Variants in LUM observed in about 807,000 individuals in gnomAD.
LUM encodes the protein KSPG lumican.
LUM carries 13 observed loss-of-function variants against 20.5 expected under a neutral mutation model. The ratio of observed to expected loss-of-function variants is 0.63; its 90% confidence interval spans 0.41 to 1.01. The LOEUF (loss-of-function observed/expected upper bound fraction) is 1.01. Ranked by LOEUF, LUM falls within the 50% of genes least tolerant of loss-of-function variation. The probability of loss-of-function intolerance (pLI) is 0.00; values close to 1 mark genes in which losing one functional copy is unlikely to be tolerated. For synonymous variants in LUM, 173 were observed against 151.5 expected, an observed-to-expected ratio of 1.14 and a Z score of -1.04; for missense variants, 321 against 391.1, an observed-to-expected ratio of 0.82 and a Z score of 1.51.
chr12:91,109,468 T>C (rs1465647309), intron 1 of LUM, among the ~76,000 whole-genome samples: 1 of 152,148 alleles, frequency 6.6e-6, no homozygotes, highest in Non-Finnish European at 1.5e-5. Flanking sequence ...ATGGGCAACC[T>C]GAGGTTTTGC....
Position 91,108,628 on chromosome 12 carries a change from G to C in LUM, c.352C>G (p.Leu118Val). The C allele has an allele frequency of 6.2e-7, 1 of 1,613,802 alleles. No individual in the cohort carries two copies. The highest frequency in any genetic ancestry group is 8.5e-7 in the Non-Finnish European group (1 of 1,179,926). ...TTGTGGTTTATATGCAGCTTCTTCA[G>C]TTGTTTCAATTTAGAGAAAACTCTC... ...KGRVFSKLKQLKKLHINHNNL... is the reference protein window; with the variant it reads ...KGRVFSKLKQVKKLHINHNNL... Residue 118 changes from leucine to valine, a missense_variant, in exon 2 of 3, where the codon CTG (leucine) becomes GTG (valine). Physicochemically the swap from Leu to Val is conservative, Grantham distance 32 (BLOSUM62 1). Coordinates refer to ENST00000266718, the MANE Select transcript of LUM (RefSeq NM_002345.4). The surrounding 1 kb of genome is among the most constrained non-coding windows in gnomAD (Gnocchi z 4.2).
At chr12:91,110,199 A>T (rs1226737765) in intron 1 of LUM, among the ~76,000 whole-genome samples, 1 of 152,280 alleles carries the variant, frequency 6.6e-6, no homozygotes, top group African/African-American at 2.4e-5. Flanking sequence ...GTGACGAAAG[A>T]TCTACATTCT....
In LUM at chr12:91,108,710, A is replaced by G. The variant is rs776086544; in HGVS notation, c.270T>C (p.Thr90=). The change falls in exon 2 of 3, where the codon ACT becomes ACC. Residue 90 remains threonine, a synonymous_variant. Coordinates refer to ENST00000266718, the MANE Select transcript of LUM (RefSeq NM_002345.4). This position sits in a 1 kb window ranked among gnomAD's most constrained non-coding sequence, Gnocchi z 4.2. ...HIDEKAFENV[T]DLQWLILDHN... is the part of the protein sequence containing the mutation. ...GATCTAGAATGAGCCACTGCAGATC[A>G]GTTACATTCTCAAAGGCCTTTTCAT... 1 of 1,614,086 alleles carries G rather than the reference A, an allele frequency of 6.2e-7. No individual in the cohort carries two copies.
Position 91,104,097 on chromosome 12 carries a change from A to G in LUM, c.*68T>C, listed in dbSNP as rs1879974129. 3.1e-6 allele frequency: 4 copies of G among 1,272,302 alleles called. No individual in the cohort carries two copies. Among genetic ancestry groups the G allele is most frequent in the Admixed American group, 1.8e-5 (1 of 56,728 alleles). 78.8% of individuals were successfully genotyped at this position (1,272,302 alleles called of 1,614,324 possible). ...CATGGAAGTAATAAACAGTAATAAA[A>G]TATGGATACTATGAAAACTGACACA... On this transcript the variant is annotated 3_prime_UTR_variant, in exon 3 of 3. Coordinates refer to ENST00000266718, the MANE Select transcript of LUM (RefSeq NM_002345.4).
chr12:91,104,681 G>T (rs1592661491), intron 2 of LUM, among the ~76,000 whole-genome samples: 1 of 152,074 alleles, frequency 6.6e-6, no homozygotes, highest in Admixed American at 6.6e-5. Flanking sequence ...TCCCATTGTT[G>T]TATGAACAAT....
chr12:91,111,347 G>C (rs963188964), intron 1 of LUM, 51 bp downstream of exon 1: 1 of 152,140 alleles, frequency 6.6e-6, no homozygotes, highest in African/African-American at 2.4e-5. Flanking sequence ...TACAAAAAAC[G>C]CTGTCCCAAA....
At chr12:91,105,834 C>A (rs927677935) in intron 2 of LUM, among the ~76,000 whole-genome samples, 1 of 152,172 alleles carries the variant, frequency 6.6e-6, no homozygotes, top group African/African-American at 2.4e-5. Context: ...CTTCTGTATC[C>A]TTCTTTGTTT....
Position 91,104,889 on chromosome 12 carries a change from C to T in LUM, c.863-570G>A, listed in dbSNP as rs150704567. 7.9e-5 allele frequency among the ~76,000 whole-genome samples: 12 copies of T among 152,290 alleles called. No homozygotes were observed. In the East Asian group the frequency reaches 2.3e-3, roughly 29 times the overall value. ...AACCTAATCATGGCATGTCCACCAT[C>T]TGAACTCATGTTTTTGTTTATTTGT... On this transcript the variant is annotated intron_variant, in intron 2 of 2. Coordinates refer to ENST00000266718, the MANE Select transcript of LUM (RefSeq NM_002345.4).
Position 91,104,283 on chromosome 12 carries a change from G to A in LUM, c.899C>T (p.Pro300Leu). 1.2e-6 allele frequency: 2 copies of A among 1,612,358 alleles called. No homozygotes were observed. The highest frequency in any genetic ancestry group is 2.2e-5 in the East Asian group (1 of 44,788). ...ATGCTTGATCTTGGAGTAGGATAAT[G>A]GCCCCAGGATCTTGCAGAAGCTCTT... is the stretch of plus-strand genomic sequence containing the variant. Reference protein sequence around the residue: ...DIKSFCKILGPLSYSKIKHLR... With the variant: ...DIKSFCKILGLLSYSKIKHLR... The change falls in exon 3 of 3, where the codon CCA becomes CTA. Residue 300 changes from proline (P) to leucine (L), a missense_variant. Physicochemically the swap from Pro to Leu is moderately conservative, Grantham distance 98. Coordinates refer to ENST00000266718, the MANE Select transcript of LUM (RefSeq NM_002345.4).
intron 2 of LUM, among the ~76,000 whole-genome samples, chr12:91,106,183 C>T (rs942795617): frequency 3.3e-5 from 5 of 152,100 alleles, no homozygotes; most frequent in Non-Finnish European, 7.4e-5. Context: ...AACGTTTAAC[C>T]CTACTAGAGG....
Position 91,108,214 on chromosome 12 carries a change from G to A in LUM, c.766C>T (p.Leu256=), listed in dbSNP as rs1301027407. Residue 256 remains leucine (L), a synonymous_variant, in exon 2 of 3, where the codon CTG becomes TTG. Coordinates refer to ENST00000266718, the MANE Select transcript of LUM (RefSeq NM_002345.4). This position sits in a 1 kb window ranked among gnomAD's most constrained non-coding sequence, Gnocchi z 4.2. ...IPGNSFNVSS[L]VELDLSYNKL... is the part of the protein sequence containing the mutation. ...TTATAGGACAGATCCAGCTCAACCA[G>A]GGATGACACATTGAAAGAATTTCCA... The A allele has an allele frequency of 6.2e-7, 1 of 1,614,108 alleles. No homozygotes were observed. The highest frequency in any genetic ancestry group is 8.5e-7 in the Non-Finnish European group (1 of 1,180,010).
intron 1 of LUM, among the ~76,000 whole-genome samples, chr12:91,111,057 A>G (rs1880193080): frequency 6.6e-6 from 1 of 152,294 alleles, no homozygotes; most frequent in South Asian, 2.1e-4. Flanking sequence ...TTGCTCCAGT[A>G]TTAGGGTCCA....
In LUM at chr12:91,108,200, A is replaced by G. The variant is rs753433133; in HGVS notation, c.780T>C (p.Asp260=). 1.2e-6 allele frequency: 2 copies of G among 1,614,096 alleles called. No homozygotes were observed. The highest frequency in any genetic ancestry group is 1.1e-5 in the South Asian group (1 of 91,076). The part of the protein sequence containing the change: ...SFNVSSLVEL[D]LSYNKLKNIP... The stretch of plus-strand genomic sequence containing the variant: ...TGTTTTTAAGCTTGTTATAGGACAG[A>G]TCCAGCTCAACCAGGGATGACACAT... The change falls in exon 2 of 3, where the codon GAT becomes GAC. Residue 260 remains aspartate (D), a synonymous_variant. Transcript: ENST00000266718. The surrounding 1 kb of genome is among the most constrained non-coding windows in gnomAD (Gnocchi z 4.2).
At chr12:91,107,293 GA>G (rs1256332247) in intron 2 of LUM, among the ~76,000 whole-genome samples, 1 of 95,112 alleles carries the variant, frequency 1.1e-5, no homozygotes, top group African/African-American at 4.2e-5. Context: ...GAAAGAGAAA[GA>G]AAGAAAGAAA....
At chr12:91,107,283 GAAAGAGAA>G (rs1436741906) in intron 2 of LUM, among the ~76,000 whole-genome samples, 1,392 of 84,708 alleles carry the variant, frequency 0.016, 9 homozygotes, top group South Asian at 0.023. Flanking sequence ...AAGAAAGAAA[GAAAGAGAA>G]AGAAAGAAAG....
At chr12:91,109,768 A>G (rs1395280421) in intron 1 of LUM, among the ~76,000 whole-genome samples, 1 of 152,208 alleles carries the variant, frequency 6.6e-6, no homozygotes. Flanking sequence ...GAGATTCAAC[A>G]GGTAGAGAAA....
chr12:91,108,320 G>A lies in LUM; in HGVS notation c.660C>T (p.Ile220=). ...TAAAACGCTTGAAATACTCATCAGGGATGTTGCTGATCTTATTGTTGTCTA... is the reference window on the plus strand; with the variant it reads ...TAAAACGCTTGAAATACTCATCAGGAATGTTGCTGATCTTATTGTTGTCTA... ...LYLDNNKISN[I]PDEYFKRFNA... The change falls in exon 2 of 3, where the codon ATC becomes ATT. Residue 220 remains isoleucine (I), a synonymous_variant. Transcript: ENST00000266718. This position sits in a 1 kb window ranked among gnomAD's most constrained non-coding sequence, Gnocchi z 4.2. 6.2e-7 allele frequency: 1 copy of A among 1,614,166 alleles called. No individual in the cohort carries two copies. Among genetic ancestry groups the A allele is most frequent in the Non-Finnish European group, 8.5e-7 (1 of 1,179,980 alleles).
At position 91,105,213 on chromosome 12, in the gene LUM, T is replaced by C. The variant is rs574028433; in HGVS notation, c.863-894A>G. Among the ~76,000 whole-genome samples, 5 of 152,294 alleles carry C rather than the reference T, an allele frequency of 3.3e-5. No homozygotes were observed. The East Asian group carries it at 9.7e-4, about 29-fold the overall frequency. On this transcript the variant is annotated intron_variant, in intron 2 of 2. Transcript: ENST00000266718. ...AAAGTGAGGAAAAATGGAAAGAAGA[T>C]GGGCATAGTCCCATCTTGGAATTCT... is the stretch of plus-strand genomic sequence containing the variant.
At chr12:91,105,104 T>C (rs893532957) in intron 2 of LUM, among the ~76,000 whole-genome samples, 5 of 152,156 alleles carry the variant, frequency 3.3e-5, no homozygotes, top group Non-Finnish European at 5.9e-5. Flanking sequence ...TAACAAAGAC[T>C]TCAGTGGAAC....
Sources: gnomAD v4.1 joint callset for allele counts (sites outside exome capture counted in the v4.1 genomes callset) on GRCh38, gnomAD v4.1.1 for gene constraint, Gnocchi (gnomAD v3.1) non-coding constraint, MANE v1.5 for transcripts, NCBI Gene and HGNC (gene_info 2026-07-23, HGNC 2026-07-21) for gene names.